Variants in TMEM250 observed in about 807,000 individuals in gnomAD.
TMEM250 encodes the protein herpes virus UL25-binding protein.
In TMEM250, 7 loss-of-function variants were observed where a neutral mutation model predicts 7.0. The observed-to-expected ratio is 1.00, with a 90% confidence interval of 0.57 to 1.87. The LOEUF is 1.87. Among genes scored for constraint, TMEM250 ranks in the 40% most tolerant of loss-of-function variants. TMEM250 has a pLI of 0.00. For synonymous variants in TMEM250, 135 were observed against 96.7 expected (o/e 1.40, Z -2.32); for missense variants, 196 against 202.5 (o/e 0.97, Z 0.19).
chr9:136,115,294 G>A lies in TMEM250; in HGVS notation c.*1187C>T, dbSNP rs1588596840. ...CACCATAGTGCTGCCGTGACTGCAA[G>A]GCTGAGGAGCAGAGCAAGGGGTCCT... On this transcript the variant is annotated 3_prime_UTR_variant, in exon 2 of 2. Transcript: ENST00000418388. 6.6e-6 allele frequency: 1 copy of A among 152,324 alleles called. No homozygotes were observed. Among genetic ancestry groups the A allele is most frequent in the African/African-American group, 2.4e-5 (1 of 41,464 alleles). 9.4% of individuals were successfully genotyped at this position (152,324 alleles called of 1,614,324 possible).
intron 1 of TMEM250, 31 bp from the exon 2 acceptor site, chr9:136,117,055 T>C: frequency 8.0e-7 from 1 of 1,253,354 alleles, no homozygotes; most frequent in Non-Finnish European, 1.0e-6. Context: ...CCCACGTCAG[T>C]ATGAGGACAC....
In TMEM250 at chr9:136,117,010, G is replaced by T; in HGVS notation, c.-110C>A. The T allele has an allele frequency of 1.5e-6, 2 of 1,350,928 alleles. No homozygotes were observed. The highest frequency in any genetic ancestry group is 1.7e-5 in the South Asian group (1 of 58,210). 83.7% of individuals were successfully genotyped at this position (1,350,928 alleles called of 1,614,324 possible). The stretch of plus-strand genomic sequence containing the variant: ...GCCTGGGAGCCCGCAGCTGACCCTG[G>T]GGGGAGGCGTCGGCCTGCGGGGAGA... On this transcript the variant is annotated 5_prime_UTR_variant, in exon 2 of 2. Coordinates refer to ENST00000418388, the MANE Select transcript of TMEM250 (RefSeq NM_152833.3).
At chr9:136,117,324 G>A (rs908511800) in intron 1 of TMEM250, among the ~76,000 whole-genome samples, 3 of 152,218 alleles carry the variant, frequency 2.0e-5, no homozygotes, top group Non-Finnish European at 4.4e-5. Flanking sequence ...AAAACGGATG[G>A]GAAGGGGCAA....
chr9:136,114,651 G>C lies in TMEM250; in HGVS notation c.*1830C>G, dbSNP rs1414882346. ...GCATGACGAATTTCACAGGCACCGG[G>C]GACAGCAGGCGGCCAGGTGCTCAGA... is the stretch of plus-strand genomic sequence containing the variant. On this transcript the variant is annotated 3_prime_UTR_variant, in exon 2 of 2. Transcript: ENST00000418388. The C allele has an allele frequency of 1.3e-5, 2 of 152,242 alleles. No individual in the cohort carries two copies. The highest frequency in any genetic ancestry group is 4.8e-5 in the African/African-American group (2 of 41,450). The allele number at this position is 152,242 out of a possible 1,614,324, so 9.4% of individuals were successfully genotyped here.
In TMEM250 at chr9:136,116,294, G is replaced by A; in HGVS notation, c.*187C>T. The A allele has an allele frequency of 3.1e-6, 4 of 1,287,958 alleles. No homozygotes were observed. Among genetic ancestry groups the A allele is most frequent in the Non-Finnish European group, 4.1e-6 (4 of 969,574 alleles). The allele number at this position is 1,287,958 out of a possible 1,614,324, so 79.8% of individuals were successfully genotyped here. On this transcript the variant is annotated 3_prime_UTR_variant, in exon 2 of 2. Transcript: ENST00000418388. Reference sequence around the variant, plus strand: ...GTGCATACGGGGAGGGTGGGTCCAGGAAGCCAGCCTAGGGGTGGTGTCCGC... The same window carrying A: ...GTGCATACGGGGAGGGTGGGTCCAGAAAGCCAGCCTAGGGGTGGTGTCCGC...
Position 136,115,907 on chromosome 9 carries a change from C to A in TMEM250, c.*574G>T, listed in dbSNP as rs982770325. On this transcript the variant is annotated 3_prime_UTR_variant, in exon 2 of 2. Coordinates refer to ENST00000418388, the MANE Select transcript of TMEM250 (RefSeq NM_152833.3). Reference sequence around the variant, plus strand: ...CTGGGGACTCAGGACCCACACAGCCCCTCAGGATGACACACACAGGGTGGT... The same window carrying A: ...CTGGGGACTCAGGACCCACACAGCCACTCAGGATGACACACACAGGGTGGT... The A allele has an allele frequency of 2.6e-5, 10 of 389,176 alleles. No homozygotes were observed. Among genetic ancestry groups the A allele is most frequent in the African/African-American group, 2.3e-4 (10 of 44,316 alleles). 24.1% of individuals were successfully genotyped at this position (389,176 alleles called of 1,614,324 possible). A position where few individuals can be genotyped will look rare whatever the true frequency, so the allele number is the denominator to read the frequency against.
rs1300545323 is a variant in TMEM250 at position 136,116,048 on chromosome 9, C to G, written c.*433G>C. On this transcript the variant is annotated 3_prime_UTR_variant, in exon 2 of 2. Coordinates refer to ENST00000418388, the MANE Select transcript of TMEM250 (RefSeq NM_152833.3). ...CCGTTGGCTGGGGCTGGGGCCAGGG[C>G]ACGCAGAAGGGGCTGTGCAGCCAGG... 2.4e-6 allele frequency: 1 copy of G among 411,726 alleles called. No individual in the cohort carries two copies. Among genetic ancestry groups the G allele is most frequent in the Non-Finnish European group, 4.3e-6 (1 of 234,476 alleles). 25.5% of individuals were successfully genotyped at this position (411,726 alleles called of 1,614,324 possible).
chr9:136,116,198 G>A lies in TMEM250; in HGVS notation c.*283C>T, dbSNP rs1830697189. On this transcript the variant is annotated 3_prime_UTR_variant, in exon 2 of 2. Coordinates refer to ENST00000418388, the MANE Select transcript of TMEM250 (RefSeq NM_152833.3). Reference sequence around the variant, plus strand: ...GAGGCCCACAGAGAGGCGGAACGGAGGGCCCACCCCGCAGTACGACCCGAA... The same window carrying A: ...GAGGCCCACAGAGAGGCGGAACGGAAGGCCCACCCCGCAGTACGACCCGAA... 1.9e-6 allele frequency: 1 copy of A among 540,062 alleles called. No individual in the cohort carries two copies. Among genetic ancestry groups the A allele is most frequent in the Non-Finnish European group, 3.2e-6 (1 of 314,404 alleles). The allele number at this position is 540,062 out of a possible 1,614,324, so 33.5% of individuals were successfully genotyped here.
At chr9:136,117,991 GC>G (rs1375060759) in intron 1 of TMEM250, 2 of 152,282 alleles carry the variant, frequency 1.3e-5, no homozygotes, top group African/African-American at 4.8e-5. Context: ...TCAGCCTGGG[GC>G]CCTGCCGTGG....
At position 136,116,608 on chromosome 9, in the gene TMEM250, A is replaced by G. The variant is rs1235516884; in HGVS notation, c.293T>C (p.Leu98Pro). The change falls in exon 2 of 2, where the codon CTG becomes CCG. Residue 98 changes from leucine (L) to proline (P), a missense_variant. Physicochemically the swap from Leu to Pro is moderately conservative, Grantham distance 98. Transcript: ENST00000418388. ...LRFQRKLSVL[L>P]LLLGRRRVDF... Reference sequence around the variant, plus strand: ...CACGCGCCGGCGGCCCAGCAGCAGCAGCAGCACCGACAGCTTGCGCTGGAA... The same window carrying G: ...CACGCGCCGGCGGCCCAGCAGCAGCGGCAGCACCGACAGCTTGCGCTGGAA... The G allele has an allele frequency of 6.2e-7, 1 of 1,606,812 alleles. No individual in the cohort carries two copies. The highest frequency in any genetic ancestry group is 8.5e-7 in the Non-Finnish European group (1 of 1,179,638).
At chr9:136,117,401 G>A (rs146400266) in intron 1 of TMEM250, among the ~76,000 whole-genome samples, 13 of 152,368 alleles carry the variant, frequency 8.5e-5, no homozygotes, top group African/African-American at 2.6e-4. Context: ...CTCTTAGGCA[G>A]TTTGCCCGTT....
Position 136,116,301 on chromosome 9 carries a change from G to C in TMEM250, c.*180C>G. 2 of 1,323,382 alleles carry C rather than the reference G, an allele frequency of 1.5e-6. No homozygotes were observed. The highest frequency in any genetic ancestry group is 2.0e-6 in the Non-Finnish European group (2 of 1,000,134). 82.0% of individuals were successfully genotyped at this position (1,323,382 alleles called of 1,614,324 possible). Reference sequence around the variant, plus strand: ...CGGGGAGGGTGGGTCCAGGAAGCCAGCCTAGGGGTGGTGTCCGCGCCCCCA... The same window carrying C: ...CGGGGAGGGTGGGTCCAGGAAGCCACCCTAGGGGTGGTGTCCGCGCCCCCA... On this transcript the variant is annotated 3_prime_UTR_variant, in exon 2 of 2. Coordinates refer to ENST00000418388, the MANE Select transcript of TMEM250 (RefSeq NM_152833.3).
At position 136,115,063 on chromosome 9, in the gene TMEM250, C is replaced by T. The variant is rs1830675673; in HGVS notation, c.*1418G>A. 2 of 152,238 alleles carry T rather than the reference C, an allele frequency of 1.3e-5. No homozygotes were observed. 9.4% of individuals were successfully genotyped at this position (152,238 alleles called of 1,614,324 possible). A position where few individuals can be genotyped will look rare whatever the true frequency, so the allele number is the denominator to read the frequency against. ...CAGTGGCACACAACTGTCCTCATGG[C>T]TCCTGGGCCACTGGTCCGCCTGACA... On this transcript the variant is annotated 3_prime_UTR_variant, in exon 2 of 2. Transcript: ENST00000418388.
chr9:136,115,638 C>T lies in TMEM250; in HGVS notation c.*843G>A, dbSNP rs577531638. On this transcript the variant is annotated 3_prime_UTR_variant, in exon 2 of 2. Transcript: ENST00000418388. ...AAGAAAGAGGCCCAAAGCCCTCCCCCGCAAAAAAAGCCAGAAAGGAATGGA... is the reference window on the plus strand; with the variant it reads ...AAGAAAGAGGCCCAAAGCCCTCCCCTGCAAAAAAAGCCAGAAAGGAATGGA... 1 of 153,618 alleles carries T rather than the reference C, an allele frequency of 6.5e-6. No individual in the cohort carries two copies. The highest frequency in any genetic ancestry group is 2.4e-5 in the African/African-American group (1 of 41,526). The allele number at this position is 153,618 out of a possible 1,614,324, so 9.5% of individuals were successfully genotyped here. A position where few individuals can be genotyped will look rare whatever the true frequency, so the allele number is the denominator to read the frequency against.
At position 136,117,057 on chromosome 9, in the gene TMEM250, T is replaced by C. The variant is rs1830722243; in HGVS notation, c.-124-33A>G. The stretch of plus-strand genomic sequence containing the variant: ...GAGAGCCGCAAAACCCACGTCAGTA[T>C]GAGGACACCATGCGGATCCCTCCCC... On this transcript the variant is annotated intron_variant, in intron 1 of 1. Transcript: ENST00000418388. 2.4e-6 allele frequency: 3 copies of C among 1,245,964 alleles called. No individual in the cohort carries two copies. In the African/African-American group the frequency reaches 4.8e-5, roughly 20 times the overall value. 77.2% of individuals were successfully genotyped at this position (1,245,964 alleles called of 1,614,324 possible).
At position 136,116,825 on chromosome 9, in the gene TMEM250, C is replaced by G; in HGVS notation, c.76G>C (p.Gly26Arg). ...PHTTCLHAAC[G>R]PVRASHLART... Reference sequence around the variant, plus strand: ...GCCAGGTGGGAGGCGCGCACGGGCCCGCAGGCCGCATGCAGGCAGGTGGTG... The same window carrying G: ...GCCAGGTGGGAGGCGCGCACGGGCCGGCAGGCCGCATGCAGGCAGGTGGTG... The change falls in exon 2 of 2, where the codon GGG (glycine) becomes CGG (arginine). Residue 26 changes from glycine (G) to arginine (R), a missense_variant. Gly to Arg is a moderately radical substitution (Grantham distance 125). Transcript: ENST00000418388. 5 of 1,609,870 alleles carry G rather than the reference C, an allele frequency of 3.1e-6. No individual in the cohort carries two copies. Among genetic ancestry groups the G allele is most frequent in the Non-Finnish European group, 2.5e-6 (3 of 1,178,988 alleles).
Position 136,116,470 on chromosome 9 carries a change from A to C in TMEM250, c.*11T>G. ...GGCCGGGACGATACATCAAGCTCGC[A>C]CCCACGGCCCTCACATGTCCACGAA... is the stretch of plus-strand genomic sequence containing the variant. On this transcript the variant is annotated 3_prime_UTR_variant, in exon 2 of 2. Transcript: ENST00000418388. 1 of 1,524,024 alleles carries C rather than the reference A, an allele frequency of 6.6e-7. No individual in the cohort carries two copies. Among genetic ancestry groups the C allele is most frequent in the Non-Finnish European group, 8.8e-7 (1 of 1,138,670 alleles). The allele number at this position is 1,524,024 out of a possible 1,614,324, so 94.4% of individuals were successfully genotyped here.
Position 136,116,169 on chromosome 9 carries a change from G to C in TMEM250, c.*312C>G. The stretch of plus-strand genomic sequence containing the variant: ...AAAGTCCCTGGCAGCTGTGGTCCTG[G>C]AGAGAGGCCCACAGAGAGGCGGAAC... On this transcript the variant is annotated 3_prime_UTR_variant, in exon 2 of 2. Coordinates refer to ENST00000418388, the MANE Select transcript of TMEM250 (RefSeq NM_152833.3). 2 of 515,300 alleles carry C rather than the reference G, an allele frequency of 3.9e-6. No individual in the cohort carries two copies. Among genetic ancestry groups the C allele is most frequent in the African/African-American group, 1.9e-5 (1 of 51,630 alleles). The allele number at this position is 515,300 out of a possible 1,614,324, so 31.9% of individuals were successfully genotyped here.
rs1477054369 is a variant in TMEM250 at position 136,115,115 on chromosome 9, C to T, written c.*1366G>A. On this transcript the variant is annotated 3_prime_UTR_variant, in exon 2 of 2. Coordinates refer to ENST00000418388, the MANE Select transcript of TMEM250 (RefSeq NM_152833.3). ...GGTAGGGTCACAAGTCCCACCCATG[C>T]CCAGAGTGTGGGGACATGGATTTGA... 6.6e-6 allele frequency: 1 copy of T among 152,262 alleles called. No individual in the cohort carries two copies. The highest frequency in any genetic ancestry group is 6.5e-5 in the Admixed American group (1 of 15,288). 9.4% of individuals were successfully genotyped at this position (152,262 alleles called of 1,614,324 possible). A position where few individuals can be genotyped will look rare whatever the true frequency, so the allele number is the denominator to read the frequency against.
Sources: gnomAD v4.1 joint callset for allele counts (sites outside exome capture counted in the v4.1 genomes callset) on GRCh38, gnomAD v4.1.1 for gene constraint, MANE v1.5 for transcripts, NCBI Gene and HGNC (gene_info 2026-07-23, HGNC 2026-07-21) for gene names.